Variants in ATXN1 observed in about 807,000 individuals in gnomAD.
ATXN1 encodes ataxin-1.
A neutral mutation model predicts 56.4 loss-of-function variants in ATXN1; 8 were observed. The observed-to-expected ratio is 0.14, with a 90% CI of 0.08 to 0.26. The LOEUF is 0.26. Among genes scored for constraint, ATXN1 ranks in the 10% least tolerant of loss-of-function variants. The pLI, the probability that ATXN1 is intolerant of heterozygous loss-of-function variation, is 1.00. For missense variants in ATXN1, 987 were observed against 1,106.5 expected (o/e 0.89, Z 1.53); for synonymous variants, 514 against 494.6 (o/e 1.04, Z -0.52).
chr6:16,360,479 C>T (rs181626467), intron 6 of ATXN1, among the ~76,000 whole-genome samples: 40 of 152,286 alleles, frequency 2.6e-4, no homozygotes, highest in African/African-American at 8.7e-4. Flanking sequence ...CCTGGGATTA[C>T]ACTGGCTGAG....
intron 3 of ATXN1, among the ~76,000 whole-genome samples, chr6:16,623,300 G>T (rs1379560144): frequency 6.6e-6 from 1 of 152,066 alleles, no homozygotes; most frequent in Non-Finnish European, 1.5e-5. Context: ...TTTCTAAATG[G>T]TTGTACCAAT....
rs187759984 is a variant in ATXN1 at position 16,427,545 on chromosome 6, C to T, written c.-161+58427G>A. On this transcript the variant is annotated intron_variant, in intron 6 of 7. Coordinates refer to ENST00000436367, the MANE Select transcript of ATXN1 (RefSeq NM_001128164.2). ...CGATACAATGACAAAATCCCTAAGA[C>T]AGAGTGGTCCTCGTTTCTGATTTTT... Among the ~76,000 whole-genome samples, 3 of 152,344 alleles carry T rather than the reference C, an allele frequency of 2.0e-5. No homozygotes were observed. In the East Asian group the frequency reaches 5.8e-4, roughly 29 times the overall value.
intron 3 of ATXN1, among the ~76,000 whole-genome samples, chr6:16,624,457 C>T (rs531193017): frequency 6.6e-5 from 10 of 151,654 alleles, no homozygotes; most frequent in Admixed American, 2.0e-4. Flanking sequence ...ATGGTGAAGA[C>T]GGTCAATTTT....
intron 6 of ATXN1, among the ~76,000 whole-genome samples, chr6:16,376,854 C>T (rs571789377): frequency 6.6e-6 from 1 of 152,244 alleles, no homozygotes; most frequent in African/African-American, 2.4e-5. Flanking sequence ...ATTTAAAAGC[C>T]TTGTCATACT....
Position 16,663,749 on chromosome 6 carries a change from C to G in ATXN1, c.-614-5848G>C, listed in dbSNP as rs556943847. Among the ~76,000 whole-genome samples the G allele has an allele frequency of 2.6e-5, 4 of 152,140 alleles. No individual in the cohort carries two copies. The South Asian group carries it at 8.3e-4, about 32-fold the overall frequency. On this transcript the variant is annotated intron_variant, in intron 2 of 7. Transcript: ENST00000436367. ...GTGTGATCATAGCTCACGGCAACCT[C>G]GAACTCCTCAACTCAAGCAGTCCTC...
chr6:16,668,370 G>C (rs1758475514), intron 2 of ATXN1, among the ~76,000 whole-genome samples: 2 of 115,548 alleles, frequency 1.7e-5, no homozygotes, highest in Non-Finnish European at 3.3e-5. Context: ...ACAGGCCCCA[G>C]TGTGTGATGT....
At chr6:16,412,538 C>T (rs1050807295) in intron 6 of ATXN1, among the ~76,000 whole-genome samples, 1 of 152,178 alleles carries the variant, frequency 6.6e-6, no homozygotes, top group African/African-American at 2.4e-5. Flanking sequence ...CTATCCACGG[C>T]AACAGCGTCA....
In ATXN1 at chr6:16,389,619, C is replaced by T. The variant is rs547929284; in HGVS notation, c.-160-61149G>A. Among the ~76,000 whole-genome samples, 146 of 152,192 alleles carry T rather than the reference C, an allele frequency of 9.6e-4. 2 individuals are homozygous for T. The highest frequency in any genetic ancestry group is 6.8e-4 in the Non-Finnish European group (46 of 68,030). On this transcript the variant is annotated intron_variant, in intron 6 of 7. Transcript: ENST00000436367. Reference sequence around the variant, plus strand: ...GACAATCCTTTCACTACAAGAACTACGCAGCAGATAAAAAGCGAGCATGTG... The same window carrying T: ...GACAATCCTTTCACTACAAGAACTATGCAGCAGATAAAAAGCGAGCATGTG...
At chr6:16,334,604 C>T (rs939305958) in intron 6 of ATXN1, among the ~76,000 whole-genome samples, 1 of 152,080 alleles carries the variant, frequency 6.6e-6, no homozygotes, top group Admixed American at 6.6e-5. Flanking sequence ...GTGGTCCTAG[C>T]TACCCAGGAG....
chr6:16,347,689 G>T (rs989542784), intron 6 of ATXN1, among the ~76,000 whole-genome samples: 1 of 152,110 alleles, frequency 6.6e-6, no homozygotes, highest in Non-Finnish European at 1.5e-5. Context: ...GGGCCCTGGA[G>T]AACCTTTGTG....
chr6:16,434,133 T>C (rs1759342404), intron 6 of ATXN1, among the ~76,000 whole-genome samples: 2 of 152,236 alleles, frequency 1.3e-5, no homozygotes, highest in Admixed American at 1.3e-4. Flanking sequence ...CAGAAACATG[T>C]GCACACATCA....
intron 3 of ATXN1, among the ~76,000 whole-genome samples, chr6:16,630,761 G>A (rs1371082643): frequency 6.6e-6 from 1 of 152,158 alleles, no homozygotes; most frequent in East Asian, 1.9e-4. Flanking sequence ...AAGATATTAA[G>A]ACGACATGGC....
At chr6:16,397,248 CT>C (rs1758475785) in intron 6 of ATXN1, among the ~76,000 whole-genome samples, 1 of 152,018 alleles carries the variant, frequency 6.6e-6, no homozygotes, top group Non-Finnish European at 1.5e-5. Context: ...AGTAGCTAAA[CT>C]TTTTGTTTTG....
chr6:16,604,279 C>A (rs548075629), intron 3 of ATXN1, among the ~76,000 whole-genome samples: 25 of 150,932 alleles, frequency 1.7e-4, no homozygotes, highest in Non-Finnish European at 2.8e-4. Context: ...CCACTTGAGC[C>A]CAGGAATTCA....
chr6:16,458,303 A>G lies in ATXN1; in HGVS notation c.-161+27669T>C, dbSNP rs570777929. On this transcript the variant is annotated intron_variant, in intron 6 of 7. Transcript: ENST00000436367. The stretch of plus-strand genomic sequence containing the variant: ...AGAAGGACTAAGGAGAATTAGGAAA[A>G]AGCCCATGAATTATTCAATGATGTC... 6.6e-5 allele frequency among the ~76,000 whole-genome samples: 10 copies of G among 152,296 alleles called. 1 individual carries two copies. In the South Asian group the frequency reaches 1.5e-3, roughly 22 times the overall value.
intron 4 of ATXN1, among the ~76,000 whole-genome samples, chr6:16,530,217 T>C (rs1198431306): frequency 6.6e-6 from 1 of 152,220 alleles, no homozygotes; most frequent in Non-Finnish European, 1.5e-5. Context: ...CATTAAAGCT[T>C]AAAATGTAAG....
chr6:16,637,919 C>T (rs1171166404), intron 3 of ATXN1, among the ~76,000 whole-genome samples: 1 of 152,206 alleles, frequency 6.6e-6, no homozygotes, highest in Non-Finnish European at 1.5e-5. Flanking sequence ...TCCTTGGAAA[C>T]AGCTGGCAGA....
intron 6 of ATXN1, among the ~76,000 whole-genome samples, chr6:16,453,484 G>A (rs1474071172): frequency 6.6e-5 from 10 of 151,988 alleles, no homozygotes; most frequent in Non-Finnish European, 1.5e-4. Context: ...AATAAAGAGG[G>A]GGTAAAAAAC....
At chr6:16,613,544 T>C (rs984259854) in intron 3 of ATXN1, among the ~76,000 whole-genome samples, 4 of 151,904 alleles carry the variant, frequency 2.6e-5, no homozygotes, top group African/African-American at 9.7e-5. Flanking sequence ...AATATAGAAA[T>C]GGTCAGGTCC....
Sources: gnomAD v4.1 joint callset for allele counts (sites outside exome capture counted in the v4.1 genomes callset) on GRCh38, gnomAD v4.1.1 for gene constraint, MANE v1.5 for transcripts, NCBI Gene and HGNC (gene_info 2026-07-23, HGNC 2026-07-21) for gene names.